Variants in ZCCHC7 observed in about 807,000 individuals in gnomAD.
ZCCHC7 encodes the protein zinc finger CCHC domain-containing protein 7.
In ZCCHC7, 35 loss-of-function variants were observed where a neutral mutation model predicts 52.0. That is an observed-to-expected ratio of 0.67 (90% CI 0.51 to 0.89). The LOEUF is 0.89. ZCCHC7 is among the 40% of genes least tolerant of loss of function. The pLI is 0.00. For missense variants in ZCCHC7, 574 were observed against 649.1 expected, an observed-to-expected ratio of 0.88 and a Z score of 1.26; for synonymous variants, 217 against 221.5, an observed-to-expected ratio of 0.98 and a Z score of 0.18.
chr9:37,245,692 C>A (rs1476176259), intron 2 of ZCCHC7, among the ~76,000 whole-genome samples: 1 of 151,966 alleles, frequency 6.6e-6, no homozygotes. Context: ...TCAGGTAAGA[C>A]TTCTTTACTC....
intron 2 of ZCCHC7, among the ~76,000 whole-genome samples, chr9:37,154,958 G>C (rs558294340): frequency 2.6e-5 from 4 of 152,270 alleles, no homozygotes; most frequent in African/African-American, 9.6e-5. Flanking sequence ...AATATGTTTG[G>C]ATTTTGGAAA....
intron 6 of ZCCHC7, among the ~76,000 whole-genome samples, chr9:37,330,768 T>G (rs75229258): frequency 0.051 from 7,684 of 151,524 alleles, 636 homozygotes; most frequent in African/African-American, 0.17. Context: ...GATAAAAATT[T>G]CCCCCTTTAT....
intron 2 of ZCCHC7, among the ~76,000 whole-genome samples, chr9:37,194,469 A>C (rs1823183039): frequency 6.6e-6 from 1 of 152,164 alleles, no homozygotes; most frequent in Admixed American, 6.5e-5. Flanking sequence ...ATTTGGAGTA[A>C]TGGTACTGGG....
intron 2 of ZCCHC7, among the ~76,000 whole-genome samples, chr9:37,131,069 G>T (rs565942067): frequency 6.6e-6 from 1 of 151,906 alleles, no homozygotes; most frequent in Non-Finnish European, 1.5e-5. Flanking sequence ...GGCCAGGCCT[G>T]GTGGCTCACG....
rs186038102 is a variant in ZCCHC7, at chr9:37,186,771, T to C, written c.610+59829T>C. ...AATTAAAGATGGAATGATTCATTTC[T>C]ATGGTTAGGTTTTAATTAATACATG... On this transcript the variant is annotated intron_variant, in intron 2 of 8. Coordinates refer to ENST00000336755, the MANE Select transcript of ZCCHC7 (RefSeq NM_032226.3). The C allele has an allele frequency of 2.6e-5, 14 of 537,782 alleles. No homozygotes were observed. In the East Asian group the frequency reaches 4.4e-4, roughly 17 times the overall value. The allele number at this position is 537,782 out of a possible 1,614,324, so 33.3% of individuals were successfully genotyped here.
Position 37,354,602 on chromosome 9 carries a change from G to A in ZCCHC7, c.1084-108G>A. On this transcript the variant is annotated intron_variant, in intron 7 of 8. Transcript: ENST00000336755. The surrounding 1 kb of genome is among the most constrained non-coding windows in gnomAD (Gnocchi z 4.0). ...CCATATCCTACAGCCACCACATGAG[G>A]TACCAGTGACATGGGGCTCATTTCT... 1.4e-6 allele frequency: 1 copy of A among 737,370 alleles called. No individual in the cohort carries two copies. Among genetic ancestry groups the A allele is most frequent in the Admixed American group, 2.4e-5 (1 of 41,060 alleles). The allele number at this position is 737,370 out of a possible 1,614,324, so 45.7% of individuals were successfully genotyped here. A position where few individuals can be genotyped will look rare whatever the true frequency, so the allele number is the denominator to read the frequency against.
chr9:37,228,429 C>T (rs1455865204), intron 2 of ZCCHC7, among the ~76,000 whole-genome samples: 1 of 151,758 alleles, frequency 6.6e-6, no homozygotes, highest in East Asian at 1.9e-4. Flanking sequence ...GTCACCTAGG[C>T]TGGAGTGCAG....
intron 2 of ZCCHC7, among the ~76,000 whole-genome samples, chr9:37,169,979 G>T (rs911375566): frequency 6.6e-6 from 1 of 151,746 alleles, no homozygotes; most frequent in Admixed American, 6.6e-5. Flanking sequence ...TGGAGGGATC[G>T]CTTGAGCCCA....
At chr9:37,281,848 A>G (rs7859972) in intron 2 of ZCCHC7, among the ~76,000 whole-genome samples, 7,723 of 152,290 alleles carry the variant, frequency 0.051, 636 homozygotes, top group African/African-American at 0.17. Flanking sequence ...TCTATCATAA[A>G]ACAGCTGAAT....
chr9:37,137,469 A>G (rs753084706), intron 2 of ZCCHC7, among the ~76,000 whole-genome samples: 5 of 152,194 alleles, frequency 3.3e-5, no homozygotes, highest in African/African-American at 9.6e-5. Context: ...TTTTAATAGT[A>G]TATCTTTTTA....
chr9:37,272,906 G>A (rs778856016), intron 2 of ZCCHC7, among the ~76,000 whole-genome samples: 1 of 151,930 alleles, frequency 6.6e-6, no homozygotes, highest in African/African-American at 2.4e-5. Context: ...CAATGTATTC[G>A]TTCTCTTACT....
chr9:37,305,200 C>T (rs1208023337), intron 4 of ZCCHC7, among the ~76,000 whole-genome samples: 1 of 152,174 alleles, frequency 6.6e-6, no homozygotes, highest in Non-Finnish European at 1.5e-5. Context: ...CTTCTCCAGT[C>T]AAAACAGCTT....
chr9:37,356,872 G>A lies in ZCCHC7; in HGVS notation c.1236G>A (p.Lys412=). 1 of 1,608,234 alleles carries A rather than the reference G, an allele frequency of 6.2e-7. No individual in the cohort carries two copies. Among genetic ancestry groups the A allele is most frequent in the Non-Finnish European group, 8.5e-7 (1 of 1,178,594 alleles). Residue 412 remains lysine, a synonymous_variant, in exon 9 of 9, where the codon AAG becomes AAA. Coordinates refer to ENST00000336755, the MANE Select transcript of ZCCHC7 (RefSeq NM_032226.3). ...KKNGVIPEPS[K]LPYIKAANEN... ...ATGGGGTTATCCCAGAGCCATCCAAGCTACCTTATATAAAAGCAGCAAATG... is the reference window on the plus strand; with the variant it reads ...ATGGGGTTATCCCAGAGCCATCCAAACTACCTTATATAAAAGCAGCAAATG...
intron 7 of ZCCHC7, among the ~76,000 whole-genome samples, chr9:37,352,985 T>C (rs1821485446): frequency 6.6e-6 from 1 of 151,880 alleles, no homozygotes; most frequent in African/African-American, 2.4e-5. Flanking sequence ...CTTATTGAAA[T>C]AGAAAAGTGA....
chr9:37,288,264 T>C (rs1828351391), intron 2 of ZCCHC7, among the ~76,000 whole-genome samples: 1 of 150,182 alleles, frequency 6.7e-6, no homozygotes, highest in African/African-American at 2.5e-5. Flanking sequence ...TGGGTGACAT[T>C]GTGAGACCTT....
intron 2 of ZCCHC7, among the ~76,000 whole-genome samples, chr9:37,278,839 C>A (rs1354660070): frequency 6.6e-6 from 1 of 152,088 alleles, no homozygotes; most frequent in Non-Finnish European, 1.5e-5. Flanking sequence ...CTACATCCGG[C>A]AGAAATATCC....
intron 2 of ZCCHC7, among the ~76,000 whole-genome samples, chr9:37,191,314 A>C (rs1168208401): frequency 2.0e-5 from 3 of 152,102 alleles, no homozygotes; most frequent in African/African-American, 7.2e-5. Context: ...TACTTATTTG[A>C]AGTGCATTAG....
intron 2 of ZCCHC7, among the ~76,000 whole-genome samples, chr9:37,285,776 A>G (rs1828179689): frequency 6.6e-6 from 1 of 152,218 alleles, no homozygotes; most frequent in Non-Finnish European, 1.5e-5. Flanking sequence ...TTCAAAATTT[A>G]TTCATTAAGC....
intron 2 of ZCCHC7, among the ~76,000 whole-genome samples, chr9:37,217,458 A>G (rs1215662650): frequency 6.6e-6 from 1 of 152,182 alleles, no homozygotes; most frequent in Non-Finnish European, 1.5e-5. Context: ...ACTGTTTAGC[A>G]TGATAATACA....
Sources: gnomAD v4.1 joint callset for allele counts (sites outside exome capture counted in the v4.1 genomes callset) on GRCh38, gnomAD v4.1.1 for gene constraint, Gnocchi (gnomAD v3.1) non-coding constraint, MANE v1.5 for transcripts, NCBI Gene and HGNC (gene_info 2026-07-23, HGNC 2026-07-21) for gene names.